Variants in FER1L6 observed in about 807,000 individuals in gnomAD.
FER1L6 encodes fer-1 like family member 6, also known as fer-1-like protein 6.
FER1L6 carries 177 observed loss-of-function variants against 219.2 expected under a neutral mutation model. The ratio of observed to expected loss-of-function variants is 0.81; its 90% CI spans 0.71 to 0.91. The LOEUF (loss-of-function observed/expected upper bound fraction) is 0.91. FER1L6 is among the 40% of genes least tolerant of loss of function. The pLI, the probability that FER1L6 is intolerant of heterozygous loss-of-function variation, is 0.00. For synonymous variants in FER1L6, 768 were observed against 824.3 expected (o/e 0.93, Z 1.17); for missense variants, 2,153 against 2,259.9 (o/e 0.95, Z 0.96).
chr8:123,924,145 G>T (rs62518692), intron 1 of FER1L6, among the ~76,000 whole-genome samples: 20,115 of 144,822 alleles, frequency 0.14, 1,472 homozygotes, highest in Middle Eastern at 0.19. Flanking sequence ...TGAGGCAGGA[G>T]AATTGCTTGA....
intron 1 of FER1L6, among the ~76,000 whole-genome samples, chr8:123,881,719 G>C (rs1488087513): frequency 6.6e-6 from 1 of 152,178 alleles, no homozygotes; most frequent in African/African-American, 2.4e-5. Flanking sequence ...GGTCCCTGAG[G>C]AGCTGAGTCG....
intron 1 of FER1L6, among the ~76,000 whole-genome samples, chr8:123,943,858 G>A (rs1814362674): frequency 6.6e-6 from 1 of 152,064 alleles, no homozygotes; most frequent in Non-Finnish European, 1.5e-5. Flanking sequence ...AGACTGCTGT[G>A]TGGCTCTAGG....
chr8:124,093,454 C>T (rs773223726), intron 34 of FER1L6, among the ~76,000 whole-genome samples: 5 of 151,982 alleles, frequency 3.3e-5, no homozygotes, highest in Non-Finnish European at 7.4e-5. Context: ...TTGACCCCTA[C>T]CACTTTGATA....
intron 38 of FER1L6, among the ~76,000 whole-genome samples, chr8:124,102,303 G>T (rs1822579753): frequency 6.6e-6 from 1 of 152,272 alleles, no homozygotes; most frequent in South Asian, 2.1e-4. Context: ...TCAAGTGATA[G>T]TCCTGCAAAC....
chr8:123,913,330 AT>A (rs1202561507), intron 1 of FER1L6, among the ~76,000 whole-genome samples: 1 of 143,042 alleles, frequency 7.0e-6, no homozygotes, highest in East Asian at 2.4e-4. Context: ...TAAATAATTT[AT>A]TCACACACAC....
At chr8:124,053,411 C>A (rs1430659205) in intron 22 of FER1L6, among the ~76,000 whole-genome samples, 6 of 152,190 alleles carry the variant, frequency 3.9e-5, no homozygotes, top group Non-Finnish European at 8.8e-5. Context: ...ATTAGGATTT[C>A]ATTAGGACTT....
chr8:124,088,432 G>A (rs971834320), intron 33 of FER1L6, among the ~76,000 whole-genome samples: 3 of 152,016 alleles, frequency 2.0e-5, no homozygotes, highest in African/African-American at 7.2e-5. Context: ...GTCCAAAAAT[G>A]CCATCTGGGG....
chr8:123,852,095 G>A lies in FER1L6; in HGVS notation c.-98G>A, dbSNP rs540864791. On this transcript the variant is annotated 5_prime_UTR_variant, in exon 1 of 41. Coordinates refer to ENST00000522917, the MANE Select transcript of FER1L6 (RefSeq NM_001039112.2). The surrounding 1 kb of genome is among the most constrained non-coding windows in gnomAD (Gnocchi z 4.9). ...TGAGACCAGTGAATTCCACGAGCAC[G>A]AACCCACTGCTGCGCTTCATTTGCT... is the stretch of plus-strand genomic sequence containing the variant. 1.6e-4 allele frequency: 25 copies of A among 152,284 alleles called. No individual in the cohort carries two copies. Among genetic ancestry groups the A allele is most frequent in the African/African-American group, 4.6e-4 (19 of 41,548 alleles). The allele number at this position is 152,284 out of a possible 1,614,324, so 9.4% of individuals were successfully genotyped here. A position where few individuals can be genotyped will look rare whatever the true frequency, so the allele number is the denominator to read the frequency against.
rs749621296 is a variant in FER1L6, at chr8:124,076,233, A to G, written c.4128A>G (p.Lys1376=). 2.5e-6 allele frequency: 4 copies of G among 1,613,944 alleles called. No homozygotes were observed. The African/African-American group carries it at 4.0e-5, about 16-fold the overall frequency. ...FNLSPADPDG[K]SDPYIVIKLG... ...TTAGTCCAGCTGATCCAGATGGCAA[A>G]TCAGATCCCTACATTGTGATCAAGC... The change falls in exon 32 of 41, where the codon AAA becomes AAG. Residue 1376 remains lysine (K), a synonymous_variant. Coordinates refer to ENST00000522917, the MANE Select transcript of FER1L6 (RefSeq NM_001039112.2).
intron 12 of FER1L6, among the ~76,000 whole-genome samples, chr8:123,987,509 A>G (rs1223798720): frequency 1.3e-5 from 2 of 152,022 alleles, no homozygotes; most frequent in African/African-American, 2.4e-5. Flanking sequence ...TTTGATGTAC[A>G]TCAGCTTTTT....
intron 1 of FER1L6, among the ~76,000 whole-genome samples, chr8:123,925,462 C>G (rs956797593): frequency 6.6e-6 from 1 of 152,152 alleles, no homozygotes; most frequent in African/African-American, 2.4e-5. Context: ...GATCACACGG[C>G]CATATCAGCT....
chr8:124,040,180 C>T (rs1354406593), intron 20 of FER1L6, among the ~76,000 whole-genome samples, 174 bp downstream of exon 20: 1 of 152,130 alleles, frequency 6.6e-6, no homozygotes, highest in African/African-American at 2.4e-5. Flanking sequence ...TGGGGAAGGT[C>T]TATTGTTTCA....
chr8:124,068,574 T>C (rs1383578412), intron 28 of FER1L6, among the ~76,000 whole-genome samples: 3 of 152,198 alleles, frequency 2.0e-5, no homozygotes, highest in Non-Finnish European at 4.4e-5. Context: ...CTTAGGATAT[T>C]TGAGCCTCAT....
intron 33 of FER1L6, among the ~76,000 whole-genome samples, chr8:124,089,936 A>G (rs1821954719): frequency 6.6e-6 from 1 of 152,156 alleles, no homozygotes; most frequent in African/African-American, 2.4e-5. Context: ...ATAAGATGGT[A>G]AAACCAATTT....
At chr8:124,078,717 GAT>G (rs879678212) in intron 32 of FER1L6, among the ~76,000 whole-genome samples, 128,923 of 151,982 alleles carry the variant, frequency 0.85, 54,842 homozygotes, top group African/African-American at 0.88. Flanking sequence ...GGTGGGATGG[GAT>G]GGGTGGGAAG....
intron 10 of FER1L6, 130 bp downstream of exon 10, chr8:123,977,739 C>CT (rs2061809567): frequency 1.3e-6 from 1 of 787,694 alleles, no homozygotes; most frequent in South Asian, 1.8e-5. Context: ...TTATGGAAGA[C>CT]TATTTTTCCA....
At chr8:123,999,662 C>CAAAACA (rs772488663) in intron 12 of FER1L6, among the ~76,000 whole-genome samples, 35 of 152,078 alleles carry the variant, frequency 2.3e-4, no homozygotes, top group Admixed American at 5.9e-4. Context: ...GACTCCATCT[C>CAAAACA]AAAACAAAAA....
chr8:124,049,664 C>T lies in FER1L6; in HGVS notation c.2782C>T (p.Gln928Ter). 1 of 1,614,030 alleles carries T rather than the reference C, an allele frequency of 6.2e-7. No homozygotes were observed. The highest frequency in any genetic ancestry group is 8.5e-7 in the Non-Finnish European group (1 of 1,179,998). The change falls in exon 22 of 41, where the codon CAG (glutamine) becomes TAG (stop). Residue 928 changes from glutamine to a stop codon, truncating the protein, a stop_gained. Transcript: ENST00000522917. LOFTEE classifies it high-confidence loss of function. ...VAAPVVKLAD[Q>*]DYEPPRLCYH... ...TGCTCCTGTTGTGAAGCTGGCTGAC[C>T]AGGACTATGAGCCCCCCAGGTTATG... is the stretch of plus-strand genomic sequence containing the variant.
At chr8:123,946,500 C>T (rs376589549) in intron 1 of FER1L6, among the ~76,000 whole-genome samples, 50 of 152,314 alleles carry the variant, frequency 3.3e-4, no homozygotes, top group African/African-American at 1.1e-3. Context: ...GCGATCTGCC[C>T]GCCTTGGCCT....
Sources: allele counts gnomAD v4.1 joint callset (sites outside exome capture counted in the v4.1 genomes callset), GRCh38; gene constraint gnomAD v4.1.1; non-coding constraint Gnocchi (gnomAD v3.1); transcripts MANE v1.5; gene names NCBI Gene and HGNC (gene_info 2026-07-23, HGNC 2026-07-21).